Variants in ROBO2 observed in about 807,000 individuals in gnomAD.
The protein encoded by ROBO2 is roundabout guidance receptor 2.
A neutral mutation model predicts 160.8 loss-of-function variants in ROBO2; 53 were observed. The observed-to-expected ratio is 0.33, with a 90% CI of 0.26 to 0.41. The LOEUF is 0.41. Among genes scored for constraint, ROBO2 ranks in the 10% least tolerant of loss-of-function variants. The pLI is 1.00. For missense variants in ROBO2, 1,577 were observed against 1,722.4 expected, an observed-to-expected ratio of 0.92 and a Z score of 1.49; for synonymous variants, 664 against 611.7, an observed-to-expected ratio of 1.09 and a Z score of -1.26.
intron 2 of ROBO2, among the ~76,000 whole-genome samples, chr3:76,843,778 T>C (rs1160963314): frequency 1.3e-5 from 2 of 151,982 alleles, no homozygotes; most frequent in Admixed American, 6.6e-5. Flanking sequence ...TGTCTATATG[T>C]TAATGTTTTA....
intron 2 of ROBO2, among the ~76,000 whole-genome samples, chr3:77,018,775 G>A (rs1355626467): frequency 6.6e-6 from 1 of 152,146 alleles, no homozygotes; most frequent in African/African-American, 2.4e-5. Context: ...GACAAATATT[G>A]TGTAATTCCA....
chr3:76,968,888 G>A (rs140055141), intron 2 of ROBO2, among the ~76,000 whole-genome samples: 44 of 152,142 alleles, frequency 2.9e-4, no homozygotes, highest in African/African-American at 1.1e-3. Context: ...TTCAAGAGTT[G>A]GTATTTCCAA....
chr3:76,157,731 T>G (rs750048927), intron 2 of ROBO2, among the ~76,000 whole-genome samples: 1 of 152,162 alleles, frequency 6.6e-6, no homozygotes, highest in Non-Finnish European at 1.5e-5. Context: ...GCAGTGACAT[T>G]GAACTTCCTA....
At chr3:76,208,497 A>G (rs1702942699) in intron 2 of ROBO2, among the ~76,000 whole-genome samples, 1 of 152,276 alleles carries the variant, frequency 6.6e-6, no homozygotes, top group East Asian at 1.9e-4. Flanking sequence ...CTGAGCAAGC[A>G]CCGTGTCTCT....
upstream of ROBO2, among the ~76,000 whole-genome samples, chr3:77,037,334 C>T (rs564785582): frequency 2.0e-5 from 3 of 152,158 alleles, no homozygotes; most frequent in South Asian, 6.2e-4. Flanking sequence ...AGACATTATT[C>T]CATAAGGTAG....
At chr3:77,181,385 A>G (rs2080769728) in intron 2 of ROBO2, among the ~76,000 whole-genome samples, 1 of 152,264 alleles carries the variant, frequency 6.6e-6, no homozygotes, top group Admixed American at 6.5e-5. Context: ...TATATATTCC[A>G]AAGCTGTGTG....
At chr3:77,408,626 T>C (rs557191908) in intron 2 of ROBO2, among the ~76,000 whole-genome samples, 7 of 152,290 alleles carry the variant, frequency 4.6e-5, no homozygotes, top group African/African-American at 1.4e-4. Flanking sequence ...ATAAATTTGA[T>C]TTGGGGAGAT....
chr3:76,916,540 G>A (rs1348520165), intron 2 of ROBO2, among the ~76,000 whole-genome samples: 3 of 126,220 alleles, frequency 2.4e-5, no homozygotes, highest in East Asian at 2.7e-4. Flanking sequence ...GTAGAGACAC[G>A]GTCTCATTTT....
At chr3:76,572,506 T>G (rs1161178261) in intron 2 of ROBO2, among the ~76,000 whole-genome samples, 1 of 152,178 alleles carries the variant, frequency 6.6e-6, no homozygotes, top group Non-Finnish European at 1.5e-5. Context: ...CGACATTTAG[T>G]CAAAATGCTA....
chr3:76,249,440 C>G (rs1171453170), intron 2 of ROBO2, among the ~76,000 whole-genome samples: 4 of 151,180 alleles, frequency 2.6e-5, no homozygotes, highest in African/African-American at 4.9e-5. Context: ...TATGATAACT[C>G]AACTATTTAC....
intron 1 of ROBO2, among the ~76,000 whole-genome samples, chr3:77,078,884 C>G (rs2068308174): frequency 6.6e-6 from 1 of 152,128 alleles, no homozygotes; most frequent in Non-Finnish European, 1.5e-5. Flanking sequence ...GGCCACTTGT[C>G]TTTCATATCT....
rs568870257 is a variant in ROBO2, at chr3:76,646,967, C to T, written c.110-451047C>T. 2.0e-5 allele frequency among the ~76,000 whole-genome samples: 3 copies of T among 152,240 alleles called. No individual in the cohort carries two copies. The South Asian group carries it at 6.2e-4, about 32-fold the overall frequency. ...GGGGGAACAAAGGGAAGAGGCTGGC[C>T]TTATTAAGACTTAGAAGCCTGGAAA... On this transcript the variant is annotated intron_variant, in intron 2 of 26. Coordinates refer to the ROBO2 transcript ENST00000487694.
At chr3:77,509,333 G>T (rs12494575) in intron 5 of ROBO2, among the ~76,000 whole-genome samples, 1 of 152,020 alleles carries the variant, frequency 6.6e-6, no homozygotes, top group Non-Finnish European at 1.5e-5. Context: ...CCTGCATCTT[G>T]TCTTCCCCAG....
chr3:76,348,347 GT>G (rs1260086194), intron 2 of ROBO2, among the ~76,000 whole-genome samples: 1 of 152,094 alleles, frequency 6.6e-6, no homozygotes, highest in East Asian at 1.9e-4. Flanking sequence ...GGCAAATACT[GT>G]TTTTGGAAAA....
chr3:76,134,788 A>G (rs376523384), intron 2 of ROBO2, among the ~76,000 whole-genome samples: 5 of 152,118 alleles, frequency 3.3e-5, no homozygotes, highest in African/African-American at 1.2e-4. Flanking sequence ...GTGGTAATTT[A>G]TTCAGCAGAA....
intron 2 of ROBO2, among the ~76,000 whole-genome samples, chr3:76,017,480 A>G (rs2066436627): frequency 6.6e-6 from 1 of 152,174 alleles, no homozygotes; most frequent in African/African-American, 2.4e-5. Context: ...CTCCTATGCA[A>G]GAAATGGCCA....
intron 2 of ROBO2, among the ~76,000 whole-genome samples, chr3:76,166,046 T>A (rs2072825065): frequency 1.3e-5 from 2 of 151,956 alleles, no homozygotes; most frequent in Non-Finnish European, 2.9e-5. Flanking sequence ...ATAAACATAT[T>A]TGAAATACTG....
chr3:76,575,647 C>A (rs2108646897), intron 2 of ROBO2, among the ~76,000 whole-genome samples: 1 of 152,128 alleles, frequency 6.6e-6, no homozygotes, highest in Non-Finnish European at 1.5e-5. Flanking sequence ...ACAAGCAATT[C>A]ATTCTTTATC....
At chr3:76,036,847 T>C (rs1426310125) in intron 2 of ROBO2, among the ~76,000 whole-genome samples, 2 of 152,068 alleles carry the variant, frequency 1.3e-5, no homozygotes, top group Non-Finnish European at 2.9e-5. Flanking sequence ...TATAAAATAT[T>C]ATTTATCCCT....
Sources: allele counts gnomAD v4.1 joint callset (sites outside exome capture counted in the v4.1 genomes callset), GRCh38; gene constraint gnomAD v4.1.1; transcripts MANE v1.5; gene names NCBI Gene and HGNC (gene_info 2026-07-23, HGNC 2026-07-21).